PRMT3: variants seen among roughly 807,000 people sequenced by gnomAD.
PRMT3 encodes protein arginine N-methyltransferase 3.
In PRMT3, 62 loss-of-function variants were observed where a neutral mutation model predicts 71.9. The ratio of observed to expected loss-of-function variants is 0.86; its 90% CI spans 0.70 to 1.07. PRMT3 has a LOEUF of 1.07. Ranked by LOEUF, PRMT3 falls within the 50% of genes least tolerant of loss-of-function variation. The pLI, the probability that PRMT3 is intolerant of heterozygous loss-of-function variation, is 0.00. For missense variants in PRMT3, 663 were observed against 643.0 expected (o/e 1.03, Z -0.34); for synonymous variants, 213 against 220.4 (o/e 0.97, Z 0.30).
intron 5 of PRMT3, among the ~76,000 whole-genome samples, chr11:20,393,350 G>A (rs1021722639): frequency 1.3e-5 from 2 of 152,142 alleles, no homozygotes; most frequent in Non-Finnish European, 2.9e-5. Context: ...GGGAGGTTGA[G>A]GCAGGAGAAT....
chr11:20,408,086 T>G, intron 9 of PRMT3, 54 bp downstream of exon 9: 2 of 1,309,222 alleles, frequency 1.5e-6, no homozygotes, highest in Non-Finnish European at 2.1e-6. Context: ...AATGATTATT[T>G]AATAGATTTT....
At chr11:20,485,204 G>A (rs1417918898) in intron 13 of PRMT3, among the ~76,000 whole-genome samples, 1 of 151,962 alleles carries the variant, frequency 6.6e-6, no homozygotes, top group East Asian at 1.9e-4. Context: ...TTAAGATCTC[G>A]GTTTGCCATG....
rs1849556845 is a variant in PRMT3, at chr11:20,426,828, C to T, written c.956C>T (p.Pro319Leu). 1.3e-6 allele frequency: 2 copies of T among 1,527,528 alleles called. No individual in the cohort carries two copies. The highest frequency in any genetic ancestry group is 1.7e-6 in the Non-Finnish European group (2 of 1,149,322). The allele number at this position is 1,527,528 out of a possible 1,614,324, so 94.6% of individuals were successfully genotyped here. A position where few individuals can be genotyped will look rare whatever the true frequency, so the allele number is the denominator to read the frequency against. ...IKGKIEEVHL[P>L]VEKVDVIISE... Reference sequence around the variant, plus strand: ...GGAAAGATTGAAGAAGTTCATCTTCCTGTAGAAAAAGTAGATGTTATCATA... The same window carrying T: ...GGAAAGATTGAAGAAGTTCATCTTCTTGTAGAAAAAGTAGATGTTATCATA... Residue 319 changes from proline (P) to leucine (L), a missense_variant, in exon 10 of 16, where the codon CCT becomes CTT. Pro to Leu is a moderately conservative substitution (Grantham distance 98, BLOSUM62 -3). Transcript: ENST00000331079.
chr11:20,471,498 G>GT (rs1289927462), intron 13 of PRMT3, among the ~76,000 whole-genome samples: 24 of 152,070 alleles, frequency 1.6e-4, no homozygotes, highest in Admixed American at 8.5e-4. Context: ...TTTTTGTCAG[G>GT]TTTTTTGAAG....
intron 9 of PRMT3, among the ~76,000 whole-genome samples, chr11:20,418,188 T>G (rs939260476): frequency 6.6e-6 from 1 of 152,230 alleles, no homozygotes; most frequent in African/African-American, 2.4e-5. Context: ...GATATCCTTT[T>G]TATTACCTCG....
At chr11:20,426,258 G>C (rs1849543316) in intron 9 of PRMT3, among the ~76,000 whole-genome samples, 1 of 152,052 alleles carries the variant, frequency 6.6e-6, no homozygotes, top group Admixed American at 6.6e-5. Flanking sequence ...ACGTAAATAG[G>C]GTCGGTATTA....
intron 12 of PRMT3, 141 bp downstream of exon 12, chr11:20,462,308 G>A: frequency 1.7e-6 from 1 of 600,736 alleles, no homozygotes; most frequent in Non-Finnish European, 2.7e-6. Context: ...ACAAATTGAG[G>A]TCATAATATT....
In PRMT3 at chr11:20,388,006, G is replaced by A. The variant is rs1450812651; in HGVS notation, c.29-13G>A. The stretch of plus-strand genomic sequence containing the variant: ...TGTCCGAGGCCGATCTGATTGTTGT[G>A]TGTGTGTGTTAGGCGGCCGGGGCGC... On this transcript the variant is annotated splice_polypyrimidine_tract_variant and intron_variant, in intron 1 of 15. Coordinates refer to ENST00000331079, the MANE Select transcript of PRMT3 (RefSeq NM_005788.4). The A allele has an allele frequency of 1.2e-6, 2 of 1,613,614 alleles. No individual in the cohort carries two copies. Among genetic ancestry groups the A allele is most frequent in the Non-Finnish European group, 1.7e-6 (2 of 1,179,902 alleles).
intron 9 of PRMT3, among the ~76,000 whole-genome samples, chr11:20,417,692 T>G (rs112263025): frequency 2.1e-4 from 32 of 152,232 alleles, no homozygotes; most frequent in African/African-American, 7.0e-4. Context: ...ATCCCCCAAC[T>G]ATGTCACTGT....
At chr11:20,390,511 A>G (rs988835945) in intron 3 of PRMT3, among the ~76,000 whole-genome samples, 4 of 152,370 alleles carry the variant, frequency 2.6e-5, no homozygotes, top group Non-Finnish European at 4.4e-5. Context: ...TTCACAGCCT[A>G]CGAGACTGAG....
intron 11 of PRMT3, among the ~76,000 whole-genome samples, chr11:20,458,281 G>T (rs1001658839): frequency 6.6e-6 from 1 of 152,062 alleles, no homozygotes; most frequent in African/African-American, 2.4e-5. Flanking sequence ...AATTCCTAGT[G>T]TTTACTAGAA....
At chr11:20,408,370 T>C (rs1849119518) in intron 9 of PRMT3, among the ~76,000 whole-genome samples, 1 of 151,934 alleles carries the variant, frequency 6.6e-6, no homozygotes, top group East Asian at 1.9e-4. Flanking sequence ...CTTACTAATA[T>C]ATTTATTATA....
chr11:20,506,207 A>G (rs566095905), intron 15 of PRMT3, among the ~76,000 whole-genome samples: 12 of 152,336 alleles, frequency 7.9e-5, no homozygotes, highest in African/African-American at 2.2e-4. Context: ...TTGAATAAAT[A>G]TAAGCATAAA....
chr11:20,504,745 A>AGAGAGAGAGAGAGAGAGAGAGAGAGCGC (rs1491497481), intron 15 of PRMT3, among the ~76,000 whole-genome samples: 1 of 141,142 alleles, frequency 7.1e-6, no homozygotes, highest in African/African-American at 2.6e-5. Flanking sequence ...AGAGAGAGAG[A>AGAGAGAGAGAGAGAGAGAGAGAGAGCGC]GCGAGAGCGA....
At chr11:20,396,305 G>A (rs925224140) in intron 6 of PRMT3, among the ~76,000 whole-genome samples, 2 of 151,962 alleles carry the variant, frequency 1.3e-5, no homozygotes, top group Non-Finnish European at 2.9e-5. Flanking sequence ...TCTTTTTGAG[G>A]TTTGGGGAAA....
intron 10 of PRMT3, among the ~76,000 whole-genome samples, chr11:20,434,227 T>C (rs1462734476): frequency 6.6e-6 from 1 of 152,186 alleles, no homozygotes; most frequent in African/African-American, 2.4e-5. Context: ...TGGGGTTGTT[T>C]GCTTTTTGTA....
At chr11:20,498,719 G>A (rs1313588478) in intron 15 of PRMT3, among the ~76,000 whole-genome samples, 3 of 152,150 alleles carry the variant, frequency 2.0e-5, no homozygotes, top group Non-Finnish European at 2.9e-5. Context: ...AACAGAGCAA[G>A]ACTCTGTCTA....
At chr11:20,433,728 C>T (rs943381856) in intron 10 of PRMT3, among the ~76,000 whole-genome samples, 4 of 152,138 alleles carry the variant, frequency 2.6e-5, no homozygotes, top group Non-Finnish European at 5.9e-5. Flanking sequence ...TCAAGCAATT[C>T]TCCAACCTCG....
At chr11:20,410,865 C>G (rs1273539912) in intron 9 of PRMT3, among the ~76,000 whole-genome samples, 1 of 152,058 alleles carries the variant, frequency 6.6e-6, no homozygotes, top group Non-Finnish European at 1.5e-5. Context: ...GTCCCTGATT[C>G]AGCAAGTGAC....
Sources: gnomAD v4.1 joint callset for allele counts (sites outside exome capture counted in the v4.1 genomes callset) on GRCh38, gnomAD v4.1.1 for gene constraint, MANE v1.5 for transcripts, NCBI Gene and HGNC (gene_info 2026-07-23, HGNC 2026-07-21) for gene names.